ELP2: variants seen among roughly 807,000 people sequenced by gnomAD.
ELP2 encodes the protein elongator acetyltransferase complex subunit 2.
ELP2 carries 90 observed loss-of-function variants against 119.2 expected under a neutral mutation model. The observed-to-expected ratio is 0.75, with a 90% CI of 0.64 to 0.90. The LOEUF (loss-of-function observed/expected upper bound fraction) is 0.90. Ranked by LOEUF, ELP2 falls within the 40% of genes least tolerant of loss-of-function variation. The pLI, the probability that ELP2 is intolerant of heterozygous loss-of-function variation, is 0.00. For missense variants in ELP2, 921 were observed against 967.8 expected (o/e 0.95, Z 0.64); for synonymous variants, 339 against 331.0 (o/e 1.02, Z -0.26).
intron 11 of ELP2, among the ~76,000 whole-genome samples, chr18:36,149,798 T>C (rs2090340052): frequency 6.6e-6 from 1 of 151,998 alleles, no homozygotes; most frequent in South Asian, 2.1e-4. Flanking sequence ...CATGAAGGTG[T>C]GTAAGCCAGC....
At chr18:36,165,663 C>T (rs1568021345) in intron 18 of ELP2, among the ~76,000 whole-genome samples, 1 of 152,146 alleles carries the variant, frequency 6.6e-6, no homozygotes, top group Non-Finnish European at 1.5e-5. Context: ...GGGCGGATCA[C>T]CTGAGGTCAG....
chr18:36,136,896 A>G (rs750945889), intron 3 of ELP2, among the ~76,000 whole-genome samples: 18 of 152,002 alleles, frequency 1.2e-4, no homozygotes, highest in Non-Finnish European at 2.4e-4. Context: ...TCTCAGTGCT[A>G]CCCCACACTT....
At chr18:36,163,273 G>GTGTGTGTGTGT (rs2090793838) in intron 17 of ELP2, among the ~76,000 whole-genome samples, 2 of 1,082 alleles carry the variant, frequency 1.8e-3, no homozygotes, top group South Asian at 0.05. Context: ...TAGTTCATGG[G>GTGTGTGTGTGT]GGGTGTGTGT....
intron 3 of ELP2, chr18:36,137,040 C>T (rs1457895255): frequency 6.6e-6 from 1 of 151,680 alleles, no homozygotes; most frequent in African/African-American, 2.4e-5. Context: ...GTTATAAATA[C>T]AAAAAGTATA....
chr18:36,144,382 T>A lies in ELP2; in HGVS notation c.797-557T>A, dbSNP rs1039316637. Reference sequence around the variant, plus strand: ...CTGGGTAATTTGTAAGAGAAAGAGGTTTAGTTGACTCACAGTTCTGCAAAG... The same window carrying A: ...CTGGGTAATTTGTAAGAGAAAGAGGATTAGTTGACTCACAGTTCTGCAAAG... On this transcript the variant is annotated intron_variant, in intron 8 of 21. Transcript: ENST00000358232. 4.6e-5 allele frequency among the ~76,000 whole-genome samples: 7 copies of A among 152,182 alleles called. No individual in the cohort carries two copies. The South Asian group carries it at 1.5e-3, about 32-fold the overall frequency.
intron 19 of ELP2, among the ~76,000 whole-genome samples, chr18:36,167,530 C>T (rs776580108): frequency 1.4e-4 from 22 of 152,122 alleles, no homozygotes; most frequent in Admixed American, 5.9e-4. Context: ...AGGAGGGCAG[C>T]GGGAGGTAGG....
At chr18:36,133,580 G>C (rs140469902) in intron 2 of ELP2, among the ~76,000 whole-genome samples, 7 of 152,246 alleles carry the variant, frequency 4.6e-5, no homozygotes, top group African/African-American at 1.7e-4. Flanking sequence ...CACCTCCCCA[G>C]TTGCCTGTAA....
chr18:36,145,908 GATT>G, intron 9 of ELP2, 37 bp from the exon 10 acceptor site: 1 of 1,511,054 alleles, frequency 6.6e-7, no homozygotes, highest in Non-Finnish European at 9.2e-7. Context: ...CAAACATGAT[GATT>G]GTTGATCACC....
Position 36,161,008 on chromosome 18 carries a change from G to A in ELP2, c.1761+4G>A, listed in dbSNP as rs2144752414. On this transcript the variant is annotated splice_donor_region_variant and intron_variant, in intron 17 of 21. Coordinates refer to ENST00000358232, the MANE Select transcript of ELP2 (RefSeq NM_018255.4). ...TCTGCTTGCCTCAGCTTGTAAGGTA[G>A]GGAAGTTTACTTTTGATTCTGCTTG... 1 of 1,611,536 alleles carries A rather than the reference G, an allele frequency of 6.2e-7. No homozygotes were observed.
At position 36,158,850 on chromosome 18, in the gene ELP2, C is replaced by T. The variant is rs1208233624; in HGVS notation, c.1480C>T (p.Pro494Ser). Residue 494 changes from proline to serine, a missense_variant, in exon 14 of 22, where the codon CCA (proline) becomes TCA (serine). Pro to Ser is a moderately conservative substitution (Grantham distance 74). Transcript: ENST00000358232. ...HVLCNQDSDLPEGATVPALGL... is the reference protein window; with the variant it reads ...HVLCNQDSDLSEGATVPALGL... ...TCTATTCTAGCAAGATAGTGATCTTCCAGAAGGAGCCACTGTCCCTGCATT... is the reference window on the plus strand; with the variant it reads ...TCTATTCTAGCAAGATAGTGATCTTTCAGAAGGAGCCACTGTCCCTGCATT... 8.1e-6 allele frequency: 13 copies of T among 1,603,696 alleles called. No homozygotes were observed. Among genetic ancestry groups the T allele is most frequent in the Non-Finnish European group, 1.0e-5 (12 of 1,170,726 alleles).
At chr18:36,169,575 A>T (rs989445719) in intron 19 of ELP2, among the ~76,000 whole-genome samples, 1 of 151,858 alleles carries the variant, frequency 6.6e-6, no homozygotes, top group African/African-American at 2.4e-5. Flanking sequence ...TTTAGTAGAG[A>T]CGGGGTTTCA....
chr18:36,142,676 A>G, intron 7 of ELP2, 150 bp from the exon 8 acceptor site: 1 of 621,784 alleles, frequency 1.6e-6, no homozygotes, highest in Non-Finnish European at 2.8e-6. Flanking sequence ...TTAAAAATGA[A>G]TATAGATCAA....
chr18:36,152,002 C>T (rs560120940), intron 11 of ELP2, among the ~76,000 whole-genome samples: 1 of 151,958 alleles, frequency 6.6e-6, no homozygotes, highest in South Asian at 2.1e-4. Flanking sequence ...CCACCTTCCT[C>T]AGCCTCCCAA....
intron 10 of ELP2, 29 bp downstream of exon 10, chr18:36,146,077 A>C (rs1836245204): frequency 6.2e-7 from 1 of 1,607,210 alleles, no homozygotes; most frequent in Non-Finnish European, 8.5e-7. Flanking sequence ...TAAGGAACAG[A>C]AAATTAAGTT....
At chr18:36,171,290 G>T in intron 21 of ELP2, 130 bp downstream of exon 21, 1 of 706,282 alleles carries the variant, frequency 1.4e-6, no homozygotes, top group Non-Finnish European at 2.6e-6. Context: ...ACTTTGTTTT[G>T]TGGTAATCTG....
At position 36,146,061 on chromosome 18, in the gene ELP2, G is replaced by GAACAGA; in HGVS notation, c.993+14_993+15insACAGAA. The GAACAGA allele has an allele frequency of 6.2e-7, 1 of 1,610,366 alleles. No individual in the cohort carries two copies. Among genetic ancestry groups the GAACAGA allele is most frequent in the Non-Finnish European group, 8.5e-7 (1 of 1,176,640 alleles). On this transcript the variant is annotated intron_variant, in intron 10 of 21. Coordinates refer to ENST00000358232, the MANE Select transcript of ELP2 (RefSeq NM_018255.4). ...TTGGCTAGAACAGGTAAAAATGTTG[G>GAACAGA]ATATTTAAGGAACAGAAAATTAAGT...
At chr18:36,153,207 C>G (rs1347496358) in intron 11 of ELP2, among the ~76,000 whole-genome samples, 2 of 152,142 alleles carry the variant, frequency 1.3e-5, no homozygotes. Flanking sequence ...CCTTATGTAT[C>G]CAATGAACCA....
intron 1 of ELP2, among the ~76,000 whole-genome samples, chr18:36,131,129 G>A (rs558654605): frequency 5.3e-4 from 81 of 152,200 alleles, no homozygotes; most frequent in Admixed American, 2.5e-3. Context: ...GACGGGGGTC[G>A]CACCACTGGA....
Position 36,160,958 on chromosome 18 carries a change from G to C in ELP2, c.1715G>C (p.Cys572Ser). The C allele has an allele frequency of 6.2e-7, 1 of 1,613,290 alleles. No homozygotes were observed. Among genetic ancestry groups the C allele is most frequent in the South Asian group, 1.1e-5 (1 of 91,060 alleles). Residue 572 changes from cysteine to serine, a missense_variant, in exon 17 of 22, where the codon TGT (cysteine) becomes TCT (serine). Cys to Ser is a moderately radical substitution (Grantham distance 112). Transcript: ENST00000358232. The stretch of plus-strand genomic sequence containing the variant: ...TATGGGCACGGTTATGAAATATTTT[G>C]TGTTACTTGTAACAGTTCAAAGACT... ...KLYGHGYEIF[C>S]VTCNSSKTLL... is the part of the protein sequence containing the mutation.
Sources: gnomAD v4.1 joint callset for allele counts (sites outside exome capture counted in the v4.1 genomes callset) on GRCh38, gnomAD v4.1.1 for gene constraint, MANE v1.5 for transcripts, NCBI Gene and HGNC (gene_info 2026-07-23, HGNC 2026-07-21) for gene names.